CXCL13: variants seen among roughly 807,000 people sequenced by gnomAD.
CXCL13 encodes C-X-C motif chemokine 13.
In CXCL13, 7 loss-of-function variants were observed where a neutral mutation model predicts 12.2. That is an observed-to-expected ratio of 0.57 (90% CI 0.33 to 1.07). CXCL13 has a LOEUF of 1.07. Among genes scored for constraint, CXCL13 ranks in the 50% least tolerant of loss-of-function variants. CXCL13 has a pLI of 0.04. For missense variants in CXCL13, 113 were observed against 127.4 expected (o/e 0.89, Z 0.55); for synonymous variants, 47 against 42.4 (o/e 1.11, Z -0.42).
intron 1 of CXCL13, among the ~76,000 whole-genome samples, chr4:77,548,700 A>G (rs1212220533): frequency 6.6e-6 from 1 of 152,184 alleles, no homozygotes; most frequent in African/African-American, 2.4e-5. Flanking sequence ...CTGCTGAGAG[A>G]TCCACTGTTA....
chr4:77,566,505 T>C (rs1264183984), intron 1 of CXCL13, among the ~76,000 whole-genome samples: 1 of 152,162 alleles, frequency 6.6e-6, no homozygotes, highest in African/African-American at 2.4e-5. Context: ...CTTTTAAAAA[T>C]TGGATTATAG....
At chr4:77,604,195 C>A (rs1452224565), upstream of CXCL13, among the ~76,000 whole-genome samples, 1 of 152,136 alleles carries the variant, frequency 6.6e-6, no homozygotes, top group African/African-American at 2.4e-5. Context: ...GGACCGAGCA[C>A]GGTTGGGGTA....
chr4:77,550,789 G>T lies in CXCL13; in HGVS notation c.-43+39001G>T, dbSNP rs568628988. 5.9e-5 allele frequency among the ~76,000 whole-genome samples: 9 copies of T among 152,212 alleles called. No individual in the cohort carries two copies. The East Asian group carries it at 1.7e-3, about 29-fold the overall frequency. On this transcript the variant is annotated intron_variant, in intron 1 of 4. Coordinates refer to the CXCL13 transcript ENST00000286758. ...CTAGAACTACTTGTTTTATGAATCT[G>T]GGTGCTCCAATGTTGGGTGTGTATA...
At chr4:77,516,204 G>T (rs1224151276) in intron 1 of CXCL13, among the ~76,000 whole-genome samples, 1 of 152,192 alleles carries the variant, frequency 6.6e-6, no homozygotes, top group Admixed American at 6.5e-5. Context: ...GCTGGATTCA[G>T]TTTGCCAGTT....
At chr4:77,522,897 A>G (rs569468244) in intron 1 of CXCL13, among the ~76,000 whole-genome samples, 1 of 152,142 alleles carries the variant, frequency 6.6e-6, no homozygotes, top group Non-Finnish European at 1.5e-5. Flanking sequence ...CTTGTAAGGC[A>G]GGCCTGGTGG....
chr4:77,576,865 T>C (rs1400964503), intron 1 of CXCL13, among the ~76,000 whole-genome samples: 1 of 152,224 alleles, frequency 6.6e-6, no homozygotes, highest in Non-Finnish European at 1.5e-5. Flanking sequence ...CATGATTTGT[T>C]TTTAGCAGAA....
chr4:77,565,569 A>T (rs1183599697), intron 1 of CXCL13, among the ~76,000 whole-genome samples: 2 of 152,206 alleles, frequency 1.3e-5, no homozygotes, highest in Admixed American at 6.5e-5. Context: ...TTACAATAAT[A>T]GTGGTTCTGA....
intron 1 of CXCL13, among the ~76,000 whole-genome samples, chr4:77,582,990 G>A (rs1213266197): frequency 6.6e-6 from 1 of 152,180 alleles, no homozygotes; most frequent in Non-Finnish European, 1.5e-5. Context: ...GGCTGAAGAT[G>A]CCATTATAAT....
chr4:77,589,985 C>T (rs1317945916), intron 1 of CXCL13, among the ~76,000 whole-genome samples: 1 of 152,108 alleles, frequency 6.6e-6, no homozygotes, highest in Non-Finnish European at 1.5e-5. Context: ...TCGCATCTCC[C>T]ATATGCCGCA....
At chr4:77,593,383 A>T (rs1462167060) in intron 1 of CXCL13, among the ~76,000 whole-genome samples, 1 of 152,210 alleles carries the variant, frequency 6.6e-6, no homozygotes, top group African/African-American at 2.4e-5. Context: ...TGTGCCCTGT[A>T]TTAGGAATCA....
intron 1 of CXCL13, among the ~76,000 whole-genome samples, chr4:77,606,578 G>C (rs551130315): frequency 1.3e-5 from 2 of 152,310 alleles, no homozygotes; most frequent in South Asian, 4.1e-4. Context: ...ACACAGAGGA[G>C]CTTTGTCCCC....
rs1578075483 is a variant in CXCL13 at position 77,608,741 on chromosome 4, TA to T, written c.197+908del. Among the ~76,000 whole-genome samples, 3 of 152,238 alleles carry T rather than the reference TA, an allele frequency of 2.0e-5. No individual in the cohort carries two copies. In the East Asian group the frequency reaches 5.8e-4, roughly 29 times the overall value. On this transcript the variant is annotated intron_variant, in intron 2 of 3. Coordinates refer to ENST00000682537, the MANE Select transcript of CXCL13 (RefSeq NM_001371558.1). ...GTTTTTCACTAGAAAGGCATTTCAC[TA>T]ACGTCTTTAACAATAATGTCTAACT...
In CXCL13 at chr4:77,538,534, G is replaced by A. The variant is rs1196967608; in HGVS notation, c.-43+26746G>A. Among the ~76,000 whole-genome samples, 98 of 150,636 alleles carry A rather than the reference G, an allele frequency of 6.5e-4. 1 individual carries two copies. In the Admixed American group the frequency reaches 6.5e-3, roughly 10 times the overall value. On this transcript the variant is annotated intron_variant, in intron 1 of 4. Transcript: ENST00000286758. ...CAACTTCCACTTCTGTACTATAGAA[G>A]CAAAATTGATTAGGCTGGCTAATTT... is the stretch of plus-strand genomic sequence containing the variant.
chr4:77,517,629 C>A (rs1724461273), intron 1 of CXCL13, among the ~76,000 whole-genome samples: 1 of 152,152 alleles, frequency 6.6e-6, no homozygotes, highest in South Asian at 2.1e-4. Flanking sequence ...AGGATTGCAG[C>A]CCCTGCCTTT....
chr4:77,599,656 A>G lies in CXCL13; in HGVS notation c.-42-6168A>G, dbSNP rs984424744. On this transcript the variant is annotated intron_variant, in intron 1 of 4. Transcript: ENST00000286758. ...ATCTGTGAGAACTGGGGTGGACAGC[A>G]AAGGGATGAGGCAGCAGAGGAAGTT... 3.3e-5 allele frequency among the ~76,000 whole-genome samples: 5 copies of G among 152,216 alleles called. No individual in the cohort carries two copies. The East Asian group carries it at 9.6e-4, about 29-fold the overall frequency.
At position 77,605,860 on chromosome 4, in the gene CXCL13, GAC is replaced by G. The variant is rs1726989865; in HGVS notation, c.-4_-3del. 6.2e-7 allele frequency: 1 copy of G among 1,602,306 alleles called. No individual in the cohort carries two copies. The highest frequency in any genetic ancestry group is 8.5e-7 in the Non-Finnish European group (1 of 1,172,244). Reference sequence around the variant, plus strand: ...AGCTCAAGTCTGAACTCTACCTCCAGACAGAATGAAGTTCATCTCGACATCTC... The same window carrying G: ...AGCTCAAGTCTGAACTCTACCTCCAGAGAATGAAGTTCATCTCGACATCTC... On this transcript the variant is annotated 5_prime_UTR_variant, in exon 1 of 4. Transcript: ENST00000682537.
intron 1 of CXCL13, among the ~76,000 whole-genome samples, chr4:77,512,348 A>G (rs1724297013): frequency 6.6e-6 from 1 of 152,190 alleles, no homozygotes; most frequent in Non-Finnish European, 1.5e-5. Flanking sequence ...CTATCATCAC[A>G]TGTTGCTGCT....
intron 1 of CXCL13, among the ~76,000 whole-genome samples, chr4:77,543,200 G>A (rs949054359): frequency 1.3e-5 from 2 of 151,974 alleles, no homozygotes; most frequent in African/African-American, 4.8e-5. Flanking sequence ...TGTGAGATTG[G>A]TTGTAAGGTC....
intron 2 of CXCL13, among the ~76,000 whole-genome samples, chr4:77,609,244 G>C (rs1464549056): frequency 6.6e-6 from 1 of 151,172 alleles, no homozygotes; most frequent in African/African-American, 2.4e-5. Context: ...GATCCTTGCT[G>C]TTTGTCTTTA....
Sources: allele counts gnomAD v4.1 joint callset (sites outside exome capture counted in the v4.1 genomes callset), GRCh38; gene constraint gnomAD v4.1.1; transcripts MANE v1.5; gene names NCBI Gene and HGNC (gene_info 2026-07-23, HGNC 2026-07-21).